The following SMYD3 variants were observed in gnomAD, a reference collection of about 807,000 sequenced individuals.
The protein encoded by SMYD3 is SET and MYND domain containing 3, also known as histone-lysine N-methyltransferase SMYD3.
A neutral mutation model predicts 57.7 loss-of-function variants in SMYD3; 36 were observed. The ratio of observed to expected loss-of-function variants is 0.62; its 90% CI spans 0.48 to 0.82. The LOEUF (loss-of-function observed/expected upper bound fraction) is 0.82. SMYD3 is among the 40% of genes least tolerant of loss of function. SMYD3 has a pLI of 0.00. For synonymous variants in SMYD3, 211 were observed against 195.0 expected, an observed-to-expected ratio of 1.08 and a Z score of -0.68; for missense variants, 515 against 538.8, an observed-to-expected ratio of 0.96 and a Z score of 0.44.
At chr1:246,486,206 G>A (rs182128064) in intron 1 of SMYD3, among the ~76,000 whole-genome samples, 1 of 152,236 alleles carries the variant, frequency 6.6e-6, no homozygotes, top group East Asian at 1.9e-4. Flanking sequence ...GAAAACTAAG[G>A]TTTAGCTAGT....
At chr1:245,781,399 C>T (rs369347539) in intron 10 of SMYD3, among the ~76,000 whole-genome samples, 8 of 152,104 alleles carry the variant, frequency 5.3e-5, no homozygotes, top group African/African-American at 1.4e-4. Context: ...AAAATGATTA[C>T]GGAATTCTTA....
At chr1:246,474,012 C>T (rs2067994542) in intron 1 of SMYD3, among the ~76,000 whole-genome samples, 1 of 152,190 alleles carries the variant, frequency 6.6e-6, no homozygotes, top group African/African-American at 2.4e-5. Flanking sequence ...ATTCACCATA[C>T]ATAATACCTA....
At chr1:245,817,873 G>C (rs200882168) in intron 10 of SMYD3, among the ~76,000 whole-genome samples, 2 of 151,872 alleles carry the variant, frequency 1.3e-5, no homozygotes, top group Admixed American at 6.6e-5. Context: ...AATGAGCAAC[G>C]CCTCCAAGAA....
At chr1:246,078,276 C>T (rs143367131) in intron 5 of SMYD3, among the ~76,000 whole-genome samples, 203 of 152,124 alleles carry the variant, frequency 1.3e-3, no homozygotes, top group African/African-American at 4.3e-3. Context: ...CACTAGGCCC[C>T]GAGACACGAA....
At chr1:246,347,190 T>C (rs1226266618) in intron 2 of SMYD3, among the ~76,000 whole-genome samples, 1 of 151,818 alleles carries the variant, frequency 6.6e-6, no homozygotes, top group African/African-American at 2.4e-5. Context: ...GGAATGATTA[T>C]ATAAAGGTAT....
At chr1:245,919,933 T>C (rs955288144) in intron 7 of SMYD3, among the ~76,000 whole-genome samples, 1 of 152,218 alleles carries the variant, frequency 6.6e-6, no homozygotes, top group Non-Finnish European at 1.5e-5. Flanking sequence ...AGATCTTGAA[T>C]ACATAGCTTA....
At chr1:246,039,963 C>T (rs1187307650) in intron 5 of SMYD3, among the ~76,000 whole-genome samples, 3 of 152,142 alleles carry the variant, frequency 2.0e-5, no homozygotes, top group Non-Finnish European at 2.9e-5. Context: ...ACAACATTAA[C>T]GCAGCATTGA....
rs2065292581 is a variant in SMYD3 at position 246,323,919 on chromosome 1, TGTAA to T, written c.531+3278_531+3281del. Among the ~76,000 whole-genome samples the T allele has an allele frequency of 7.9e-5, 12 of 151,694 alleles. 1 individual carries two copies. In the South Asian group the frequency reaches 2.5e-3, roughly 31 times the overall value. ...GAAGAGAAAGAACATCTGTGTGAAC[TGTAA>T]GTATTAAAAATGACAGATATAAAAT... On this transcript the variant is annotated intron_variant, in intron 5 of 11. Coordinates refer to ENST00000490107, the MANE Select transcript of SMYD3 (RefSeq NM_001167740.2).
At chr1:246,140,043 T>C (rs1168145089) in intron 5 of SMYD3, among the ~76,000 whole-genome samples, 1 of 152,216 alleles carries the variant, frequency 6.6e-6, no homozygotes, top group Non-Finnish European at 1.5e-5. Flanking sequence ...AACATAAGAA[T>C]GGACAAATCA....
rs540378066 is a variant in SMYD3 at position 246,446,123 on chromosome 1, T to A, written c.164+60931A>T. Among the ~76,000 whole-genome samples, 237 of 152,284 alleles carry A rather than the reference T, an allele frequency of 1.6e-3. 1 individual carries two copies. The highest frequency in any genetic ancestry group is 3.4e-3 in the Middle Eastern group (1 of 294). ...CCTGGATGTAAACATATCAATTGCC[T>A]CTAAAATAAAGACCAAGTATTGAAA... On this transcript the variant is annotated intron_variant, in intron 1 of 11. Coordinates refer to ENST00000490107, the MANE Select transcript of SMYD3 (RefSeq NM_001167740.2).
chr1:246,214,982 TGC>T (rs200233210), intron 5 of SMYD3, among the ~76,000 whole-genome samples: 2 of 152,172 alleles, frequency 1.3e-5, no homozygotes, highest in African/African-American at 4.8e-5. Flanking sequence ...TCTTTATTTA[TGC>T]AGATTTTTAC....
At chr1:245,901,551 A>C (rs1263679412) in intron 8 of SMYD3, among the ~76,000 whole-genome samples, 3 of 152,220 alleles carry the variant, frequency 2.0e-5, no homozygotes, top group African/African-American at 7.2e-5. Flanking sequence ...CAATCTAATA[A>C]TGTGCTGCAG....
At chr1:245,859,693 C>T (rs1247611773) in intron 9 of SMYD3, among the ~76,000 whole-genome samples, 3 of 152,210 alleles carry the variant, frequency 2.0e-5, no homozygotes, top group Admixed American at 6.5e-5. Context: ...TGGTCCTTCT[C>T]TCACTCCTGT....
At chr1:246,185,664 T>C (rs1341934321) in intron 5 of SMYD3, among the ~76,000 whole-genome samples, 1 of 152,088 alleles carries the variant, frequency 6.6e-6, no homozygotes, top group African/African-American at 2.4e-5. Context: ...GGTTTCACCA[T>C]GTTAGCCAGG....
chr1:246,257,253 G>A (rs1006193931), intron 5 of SMYD3, among the ~76,000 whole-genome samples: 79 of 152,182 alleles, frequency 5.2e-4, no homozygotes, highest in African/African-American at 1.8e-3. Context: ...GTGACAGTGG[G>A]GTGTTGAATT....
chr1:246,354,873 A>C (rs972154248), intron 2 of SMYD3, among the ~76,000 whole-genome samples, 158 bp downstream of exon 2: 1 of 152,200 alleles, frequency 6.6e-6, no homozygotes, highest in African/African-American at 2.4e-5. Context: ...TTAACATTTT[A>C]ATGTCCCTGG....
intron 5 of SMYD3, among the ~76,000 whole-genome samples, chr1:246,316,369 T>A (rs946589149): frequency 1.3e-5 from 2 of 151,016 alleles, no homozygotes; most frequent in Non-Finnish European, 3.0e-5. Flanking sequence ...GGGTTTTTTT[T>A]TTTTTTTTTG....
At chr1:246,148,052 G>A (rs943211938) in intron 5 of SMYD3, among the ~76,000 whole-genome samples, 1 of 145,880 alleles carries the variant, frequency 6.9e-6, no homozygotes, top group Non-Finnish European at 1.5e-5. Context: ...CTGGGTGGAA[G>A]GCGGCAGTCC....
chr1:245,896,793 C>A (rs564979307), intron 8 of SMYD3, among the ~76,000 whole-genome samples: 2 of 152,256 alleles, frequency 1.3e-5, no homozygotes, highest in Non-Finnish European at 2.9e-5. Flanking sequence ...CTCAGCATCA[C>A]CGGGGCGCAA....
Sources: gnomAD v4.1 joint callset for allele counts (sites outside exome capture counted in the v4.1 genomes callset) on GRCh38, gnomAD v4.1.1 for gene constraint, MANE v1.5 for transcripts, NCBI Gene and HGNC (gene_info 2026-07-23, HGNC 2026-07-21) for gene names.